Variants in LAMB3 observed in about 807,000 individuals in gnomAD.
LAMB3 encodes laminin subunit beta-3.
LAMB3 carries 104 observed loss-of-function variants against 140.3 expected under a neutral mutation model. The ratio of observed to expected loss-of-function variants is 0.74; its 90% CI spans 0.63 to 0.87. The LOEUF (loss-of-function observed/expected upper bound fraction) is 0.87. Ranked by LOEUF, LAMB3 falls within the 40% of genes least tolerant of loss-of-function variation. The pLI, the probability that LAMB3 is intolerant of heterozygous loss-of-function variation, is 0.00. For missense variants in LAMB3, 1,531 were observed against 1,575.2 expected (o/e 0.97, Z 0.47); for synonymous variants, 592 against 602.9 (o/e 0.98, Z 0.26).
intron 6 of LAMB3, 116 bp downstream of exon 6, chr1:209,634,331 C>T: frequency 9.4e-7 from 1 of 1,062,166 alleles, no homozygotes; most frequent in Non-Finnish European, 1.5e-6. Context: ...GGAAAGTCAG[C>T]AAGGGGAGCT....
chr1:209,644,056 A>G (rs976273416), intron 3 of LAMB3, among the ~76,000 whole-genome samples: 2 of 152,184 alleles, frequency 1.3e-5, no homozygotes, highest in Admixed American at 1.3e-4. Context: ...TTTTTCCAGC[A>G]ATATGGACAG....
At chr1:209,636,413 G>A (rs1009990334) in intron 5 of LAMB3, among the ~76,000 whole-genome samples, 1 of 152,160 alleles carries the variant, frequency 6.6e-6, no homozygotes. Flanking sequence ...CCCTGGTTGA[G>A]ACTCAGTAAA....
At position 209,623,952 on chromosome 1, in the gene LAMB3, C is replaced by T. The variant is rs766896825; in HGVS notation, c.2025G>A (p.Thr675=). Residue 675 remains threonine, a synonymous_variant, in exon 15 of 23, where the codon ACG becomes ACA. Coordinates refer to ENST00000356082, the MANE Select transcript of LAMB3 (RefSeq NM_000228.3). This position sits in a 1 kb window ranked among gnomAD's most constrained non-coding sequence, Gnocchi z 4.2. ...LQLDLPLEEE[T]LSLPRDLESL... Reference sequence around the variant, plus strand: ...TCTCCAGGTCTCTCGGAAGGGACAACGTCTCCTCCTCCAGGGGCAGATCCA... The same window carrying T: ...TCTCCAGGTCTCTCGGAAGGGACAATGTCTCCTCCTCCAGGGGCAGATCCA... The T allele has an allele frequency of 1.9e-5, 31 of 1,614,044 alleles. No homozygotes were observed. The highest frequency in any genetic ancestry group is 2.5e-5 in the Non-Finnish European group (29 of 1,179,962).
rs371309063 is a variant in LAMB3, at chr1:209,627,539, C to T, written c.1329G>A (p.Pro443=). 4.3e-5 allele frequency: 70 copies of T among 1,613,960 alleles called. No individual in the cohort carries two copies. Among genetic ancestry groups the T allele is most frequent in the Admixed American group, 2.2e-4 (13 of 60,014 alleles). ...CNILGSRRDM[P]CDEESGRCLC... is the part of the protein sequence containing the mutation. The stretch of plus-strand genomic sequence containing the variant: ...GGCAGCGCCCACTCTCCTCGTCACA[C>T]GGCATGTCCCTCCGGGACCCCAGGA... Residue 443 remains proline, a synonymous_variant, in exon 12 of 23, where the codon CCG becomes CCA. Coordinates refer to ENST00000356082, the MANE Select transcript of LAMB3 (RefSeq NM_000228.3).
chr1:209,650,850 C>T (rs2076560253), intron 2 of LAMB3, 67 bp downstream of exon 2: 4 of 1,502,826 alleles, frequency 2.7e-6, no homozygotes, highest in Non-Finnish European at 2.8e-6. Context: ...GTAAACTCTC[C>T]TTCTCCCTGT....
intron 19 of LAMB3, 124 bp downstream of exon 19, chr1:209,618,328 T>C: frequency 2.9e-6 from 3 of 1,017,026 alleles, no homozygotes; most frequent in Non-Finnish European, 4.5e-6. Context: ...TGTACCACTC[T>C]CCACCATGGT....
chr1:209,621,486 G>C (rs763701257), intron 18 of LAMB3, among the ~76,000 whole-genome samples: 25 of 152,210 alleles, frequency 1.6e-4, no homozygotes, highest in Non-Finnish European at 2.9e-4. Context: ...AGGAGCCACT[G>C]TCATTACACC....
At chr1:209,626,449 T>G (rs1356799573) in intron 13 of LAMB3, among the ~76,000 whole-genome samples, 2 of 152,218 alleles carry the variant, frequency 1.3e-5, no homozygotes, top group East Asian at 3.8e-4. Context: ...CAATCTGGTC[T>G]GCACACTCCA....
Position 209,632,717 on chromosome 1 carries a change from T to C in LAMB3, c.688A>G (p.Arg230Gly). ...TAGGCGCTGGGAGGGTGGTAGCCCC[T>C]TTGGGGCACAGGGGCCAGCCTGGTG... Reference protein sequence around the residue: ...NFTRLAPVPQRGYHPPSAYYA... With the variant: ...NFTRLAPVPQGGYHPPSAYYA... Residue 230 changes from arginine (R) to glycine (G), a missense_variant, in exon 8 of 23, where the codon AGG becomes GGG. Transcript: ENST00000356082. 1 of 1,614,156 alleles carries C rather than the reference T, an allele frequency of 6.2e-7. No individual in the cohort carries two copies. Among genetic ancestry groups the C allele is most frequent in the Non-Finnish European group, 8.5e-7 (1 of 1,180,014 alleles).
At chr1:209,637,808 C>T in intron 5 of LAMB3, 100 bp downstream of exon 5, 1 of 979,270 alleles carries the variant, frequency 1.0e-6, no homozygotes, top group South Asian at 1.4e-5. Flanking sequence ...TGAGTGTTGC[C>T]CCAACCCAGA....
chr1:209,627,588 G>A lies in LAMB3; in HGVS notation c.1289-9C>T. The A allele has an allele frequency of 1.2e-6, 2 of 1,613,680 alleles. No individual in the cohort carries two copies. Among genetic ancestry groups the A allele is most frequent in the African/African-American group, 2.7e-5 (2 of 75,040 alleles). The stretch of plus-strand genomic sequence containing the variant: ...GATGTTGCAGTCACAGCCTGCAGGA[G>A]GAGAGCTGCTGAGCTCAGGCAGACG... On this transcript the variant is annotated splice_polypyrimidine_tract_variant and intron_variant, in intron 11 of 22. Transcript: ENST00000356082.
chr1:209,649,613 A>G (rs2076547156), intron 3 of LAMB3, among the ~76,000 whole-genome samples: 1 of 152,170 alleles, frequency 6.6e-6, no homozygotes, highest in African/African-American at 2.4e-5. Context: ...CAAATAACAC[A>G]TGAGGCTCCA....
intron 10 of LAMB3, 136 bp from the exon 11 acceptor site, chr1:209,628,326 T>C: frequency 1.0e-6 from 1 of 954,342 alleles, no homozygotes; most frequent in Non-Finnish European, 1.6e-6. Context: ...TCAAGTTACT[T>C]AATCCCTCTG....
At chr1:209,631,699 T>A (rs754841206) in intron 8 of LAMB3, among the ~76,000 whole-genome samples, 55 of 152,204 alleles carry the variant, frequency 3.6e-4, no homozygotes, top group Non-Finnish European at 6.9e-4. Flanking sequence ...CATAGCATGT[T>A]GTATTCCCTC....
At chr1:209,616,751 G>A in intron 21 of LAMB3, 127 bp from the exon 22 acceptor site, 1 of 907,994 alleles carries the variant, frequency 1.1e-6, no homozygotes, top group Non-Finnish European at 1.8e-6. Context: ...GCCCCCAATA[G>A]CATTGGTTTT....
Position 209,625,856 on chromosome 1 carries a change from C to T in LAMB3, c.1768G>A (p.Ala590Thr), listed in dbSNP as rs1666424442. Residue 590 changes from alanine (A) to threonine (T), a missense_variant, in exon 14 of 23, where the codon GCG becomes ACG. Ala to Thr is a moderately conservative substitution (Grantham distance 58). Coordinates refer to ENST00000356082, the MANE Select transcript of LAMB3 (RefSeq NM_000228.3). The part of the protein sequence containing the change: ...ACHPCFQTYD[A>T]DLREQALRFG... Reference sequence around the variant, plus strand: ...CGCAGGGCCTGCTCCCGGAGGTCCGCATCATAGGTCTGGAAGCAAGGGTGG... The same window carrying T: ...CGCAGGGCCTGCTCCCGGAGGTCCGTATCATAGGTCTGGAAGCAAGGGTGG... 2 of 1,614,110 alleles carry T rather than the reference C, an allele frequency of 1.2e-6. No homozygotes were observed. Among genetic ancestry groups the T allele is most frequent in the African/African-American group, 1.3e-5 (1 of 75,076 alleles).
At chr1:209,635,338 C>G (rs1666858799) in intron 5 of LAMB3, among the ~76,000 whole-genome samples, 1 of 152,200 alleles carries the variant, frequency 6.6e-6, no homozygotes, top group Non-Finnish European at 1.5e-5. Context: ...TAAGCTTCAT[C>G]TGATTTCCCC....
At chr1:209,629,519 A>G (rs575735174) in intron 10 of LAMB3, among the ~76,000 whole-genome samples, 1 of 152,248 alleles carries the variant, frequency 6.6e-6, no homozygotes, top group East Asian at 1.9e-4. Context: ...AATAAAGCCT[A>G]ACTCTTGATT....
At chr1:209,636,581 C>T (rs920599621) in intron 5 of LAMB3, among the ~76,000 whole-genome samples, 19 of 152,178 alleles carry the variant, frequency 1.2e-4, no homozygotes, top group Non-Finnish European at 2.1e-4. Context: ...GTCTTCAGCC[C>T]TCCACATCCC....
Sources: gnomAD v4.1 joint callset for allele counts (sites outside exome capture counted in the v4.1 genomes callset) on GRCh38, gnomAD v4.1.1 for gene constraint, Gnocchi (gnomAD v3.1) non-coding constraint, MANE v1.5 for transcripts, NCBI Gene and HGNC (gene_info 2026-07-23, HGNC 2026-07-21) for gene names.